The following MDGA2 variants were observed in gnomAD, a reference collection of about 807,000 sequenced individuals.
MDGA2 encodes MAM domain-containing glycosylphosphatidylinositol anchor protein 2.
Under a neutral mutation model 117.8 loss-of-function variants are expected in MDGA2, and 40 were observed. The observed-to-expected ratio is 0.34, with a 90% CI of 0.26 to 0.44. The LOEUF (loss-of-function observed/expected upper bound fraction) is 0.44. Ranked by LOEUF, MDGA2 falls within the 20% of genes least tolerant of loss-of-function variation. MDGA2 has a pLI of 1.00. For missense variants in MDGA2, 1,123 were observed against 1,250.6 expected (o/e 0.90, Z 1.54); for synonymous variants, 452 against 439.0 (o/e 1.03, Z -0.37).
chr14:47,397,684 C>A (rs1892044199), intron 1 of MDGA2, among the ~76,000 whole-genome samples: 1 of 152,044 alleles, frequency 6.6e-6, no homozygotes, highest in Non-Finnish European at 1.5e-5. Flanking sequence ...ATGTAAATTA[C>A]ATGAGCACAT....
intron 1 of MDGA2, among the ~76,000 whole-genome samples, chr14:47,302,895 T>C (rs1246343729): frequency 6.6e-6 from 1 of 152,146 alleles, no homozygotes; most frequent in African/African-American, 2.4e-5. Context: ...TTATGATTAA[T>C]AAAACAACTG....
chr14:46,893,444 G>T (rs1179910012), intron 10 of MDGA2, among the ~76,000 whole-genome samples: 1 of 151,746 alleles, frequency 6.6e-6, no homozygotes, highest in Admixed American at 6.6e-5. Flanking sequence ...CAGAACAGAA[G>T]GACCACAGTT....
intron 14 of MDGA2, among the ~76,000 whole-genome samples, chr14:46,858,021 T>C (rs1442994931): frequency 2.0e-5 from 3 of 151,754 alleles, no homozygotes; most frequent in South Asian, 2.1e-4. Flanking sequence ...AACTTATATA[T>C]AAATCCTTAA....
chr14:46,962,495 T>C (rs968921620), intron 8 of MDGA2, among the ~76,000 whole-genome samples: 4 of 152,198 alleles, frequency 2.6e-5, no homozygotes, highest in African/African-American at 4.8e-5. Flanking sequence ...GCCATCAGAA[T>C]TGAAGCTCAA....
chr14:47,390,712 T>C (rs914312532), intron 1 of MDGA2, among the ~76,000 whole-genome samples: 1 of 152,218 alleles, frequency 6.6e-6, no homozygotes, highest in Non-Finnish European at 1.5e-5. Context: ...TTAATGCTTA[T>C]TCAATAATTA....
At chr14:46,965,282 G>T (rs1259684733) in intron 8 of MDGA2, among the ~76,000 whole-genome samples, 2 of 151,242 alleles carry the variant, frequency 1.3e-5, no homozygotes, top group East Asian at 3.9e-4. Flanking sequence ...CCGACTTAAT[G>T]AATTATTACC....
chr14:47,627,848 G>A (rs1897177526), intron 1 of MDGA2, among the ~76,000 whole-genome samples: 1 of 152,176 alleles, frequency 6.6e-6, no homozygotes, highest in Non-Finnish European at 1.5e-5. Context: ...GTGAAGGTCT[G>A]CAGTTTCACG....
At chr14:47,671,449 T>A (rs1008112878) in intron 1 of MDGA2, among the ~76,000 whole-genome samples, 6 of 152,194 alleles carry the variant, frequency 3.9e-5, no homozygotes, top group Non-Finnish European at 5.9e-5. Flanking sequence ...AGAAAAGGGA[T>A]ACCCTAGCTA....
intron 2 of MDGA2, among the ~76,000 whole-genome samples, chr14:47,220,092 A>T (rs1218575893): frequency 6.6e-6 from 1 of 152,194 alleles, no homozygotes; most frequent in Non-Finnish European, 1.5e-5. Context: ...AAATGCAAAT[A>T]ATCACTTAGA....
chr14:47,470,301 T>C (rs905302398), intron 1 of MDGA2, among the ~76,000 whole-genome samples: 24 of 145,882 alleles, frequency 1.6e-4, no homozygotes, highest in African/African-American at 6.2e-4. Flanking sequence ...CTGTGTGATG[T>C]TCCCTTCCTT....
At chr14:47,200,914 C>T (rs1885480471) in intron 3 of MDGA2, 2 of 849,142 alleles carry the variant, frequency 2.4e-6, no homozygotes, top group Non-Finnish European at 4.1e-6. Context: ...CTCGCTTGGT[C>T]TTGTGGGGCA....
At chr14:47,250,315 C>A (rs781042491) in intron 2 of MDGA2, among the ~76,000 whole-genome samples, 14 of 152,128 alleles carry the variant, frequency 9.2e-5, no homozygotes, top group Non-Finnish European at 1.9e-4. Flanking sequence ...AGCAAGACTG[C>A]CGTTGGTGAA....
intron 16 of MDGA2, among the ~76,000 whole-genome samples, chr14:46,844,549 C>A (rs1880744737): frequency 6.6e-6 from 1 of 151,128 alleles, no homozygotes. Context: ...CTGTTGCACT[C>A]CAGCCTGGGC....
chr14:47,045,247 G>C (rs1202103394), intron 7 of MDGA2, among the ~76,000 whole-genome samples: 1 of 152,172 alleles, frequency 6.6e-6, no homozygotes, highest in African/African-American at 2.4e-5. Flanking sequence ...AGCTAAGGTT[G>C]CTAAGGTACG....
chr14:47,438,342 A>C (rs1892937601), intron 1 of MDGA2, among the ~76,000 whole-genome samples: 2 of 152,152 alleles, frequency 1.3e-5, no homozygotes, highest in Non-Finnish European at 2.9e-5. Flanking sequence ...CCTCTCCAGA[A>C]AGGAGTGGCA....
At chr14:47,387,247 A>G (rs1891781591) in intron 1 of MDGA2, among the ~76,000 whole-genome samples, 1 of 152,190 alleles carries the variant, frequency 6.6e-6, no homozygotes, top group Non-Finnish European at 1.5e-5. Context: ...TCAGTTCGCG[A>G]ACAGGTTGTT....
At chr14:47,258,804 T>C (rs1887704012) in intron 2 of MDGA2, among the ~76,000 whole-genome samples, 1 of 152,026 alleles carries the variant, frequency 6.6e-6, no homozygotes, top group South Asian at 2.1e-4. Context: ...GGGTTCAGTA[T>C]GCTGCTTATT....
chr14:47,207,749 G>A lies in MDGA2; in HGVS notation c.595+10272C>T, dbSNP rs147591734. On this transcript the variant is annotated intron_variant, in intron 3 of 16. Transcript: ENST00000399232. ...TGCCTCAGCATTACCTCATGAAACAGGGATTTTTATATTCTAAGCCTGGTG... is the reference window on the plus strand; with the variant it reads ...TGCCTCAGCATTACCTCATGAAACAAGGATTTTTATATTCTAAGCCTGGTG... Among the ~76,000 whole-genome samples the A allele has an allele frequency of 1.2e-3, 177 of 152,054 alleles. 1 individual carries two copies. The highest frequency in any genetic ancestry group is 4.1e-3 in the African/African-American group (171 of 41,522).
chr14:47,281,816 G>T (rs1030016390), intron 2 of MDGA2, among the ~76,000 whole-genome samples: 25 of 151,998 alleles, frequency 1.6e-4, no homozygotes, highest in Admixed American at 1.4e-3. Context: ...CAGCACTTTG[G>T]GAGACCGAGG....
Sources: gnomAD v4.1 joint callset for allele counts (sites outside exome capture counted in the v4.1 genomes callset) on GRCh38, gnomAD v4.1.1 for gene constraint, MANE v1.5 for transcripts, NCBI Gene and HGNC (gene_info 2026-07-23, HGNC 2026-07-21) for gene names.